The following NTM variants were observed in gnomAD, a reference collection of about 807,000 sequenced individuals.
NTM encodes neurotrimin, also known as IgLON family member 2.
Under a neutral mutation model 42.1 loss-of-function variants are expected in NTM, and 13 were observed. The observed-to-expected ratio is 0.31, with a 90% CI of 0.20 to 0.49. The LOEUF is 0.49. Ranked by LOEUF, NTM falls within the 20% of genes least tolerant of loss-of-function variation. The probability of loss-of-function intolerance (pLI) is 0.99; values close to 1 mark genes in which losing one functional copy is unlikely to be tolerated. For synonymous variants in NTM, 187 were observed against 179.2 expected (o/e 1.04, Z -0.35); for missense variants, 373 against 452.8 (o/e 0.82, Z 1.60).
intron 4 of NTM, among the ~76,000 whole-genome samples, chr11:132,230,337 A>G (rs61314230): frequency 2.0e-5 from 3 of 152,180 alleles, no homozygotes; most frequent in South Asian, 2.1e-4. Flanking sequence ...TGAAGTAGGT[A>G]ATAATGTCAT....
intron 1 of NTM, among the ~76,000 whole-genome samples, chr11:131,877,294 C>G (rs78516733): frequency 0.013 from 1,962 of 152,298 alleles, 40 homozygotes; most frequent in African/African-American, 0.044. Flanking sequence ...GTGCCACCTG[C>G]CAGGACCTAT....
At position 132,335,310 on chromosome 11, in the gene NTM, TG is replaced by T. The variant is rs1038273233; in HGVS notation, c.*170del. ...TGAGGGAGGGGAACAAAGAATACTT[TG>T]GGGGGAAAAAAGTTTTAAAAAAGAA... On this transcript the variant is annotated 3_prime_UTR_variant, in exon 9 of 9. Coordinates refer to ENST00000683400, the MANE Select transcript of NTM (RefSeq NM_001352005.2). 14 of 743,150 alleles carry T rather than the reference TG, an allele frequency of 1.9e-5. No individual in the cohort carries two copies. Among genetic ancestry groups the T allele is most frequent in the Non-Finnish European group, 2.7e-5 (13 of 475,626 alleles). 46.0% of individuals were successfully genotyped at this position (743,150 alleles called of 1,614,324 possible).
At chr11:131,700,804 T>G (rs1465858451) in intron 1 of NTM, among the ~76,000 whole-genome samples, 2 of 152,192 alleles carry the variant, frequency 1.3e-5, no homozygotes, top group Non-Finnish European at 2.9e-5. Flanking sequence ...ACCTAGAAAT[T>G]GTCCTTGATC....
intron 1 of NTM, among the ~76,000 whole-genome samples, chr11:131,646,313 C>T (rs1376734618): frequency 1.3e-5 from 2 of 152,224 alleles, no homozygotes; most frequent in Non-Finnish European, 2.9e-5. Context: ...GATCTACTAC[C>T]TGGCCCTTTT....
intron 2 of NTM, among the ~76,000 whole-genome samples, chr11:131,934,768 T>A (rs933811494): frequency 2.0e-5 from 3 of 152,088 alleles, no homozygotes. Flanking sequence ...AGGGAGCAAG[T>A]GTCCGGTGCT....
At chr11:131,382,083 T>A (rs1360805094) in intron 1 of NTM, among the ~76,000 whole-genome samples, 1 of 152,238 alleles carries the variant, frequency 6.6e-6, no homozygotes, top group South Asian at 2.1e-4. Flanking sequence ...AGTAAGAATA[T>A]GCCCATTTAA....
At chr11:131,891,888 G>A (rs2051400865) in intron 1 of NTM, among the ~76,000 whole-genome samples, 1 of 152,096 alleles carries the variant, frequency 6.6e-6, no homozygotes, top group South Asian at 2.1e-4. Context: ...CTGAATCATA[G>A]TCTTCCTTTT....
chr11:131,380,949 A>G (rs1033393937), intron 1 of NTM, among the ~76,000 whole-genome samples: 2 of 152,080 alleles, frequency 1.3e-5, no homozygotes, highest in Admixed American at 6.5e-5. Flanking sequence ...TTTTTTTTAG[A>G]TCCTAAATCT....
chr11:132,269,874 A>T (rs1053997808), intron 4 of NTM, among the ~76,000 whole-genome samples: 5 of 152,244 alleles, frequency 3.3e-5, no homozygotes, highest in Non-Finnish European at 7.3e-5. Flanking sequence ...TTTAAAACTC[A>T]ACTTTACTGG....
intron 2 of NTM, among the ~76,000 whole-genome samples, chr11:131,996,299 C>T (rs2068007936): frequency 6.6e-6 from 1 of 152,088 alleles, no homozygotes; most frequent in African/African-American, 2.4e-5. Flanking sequence ...TGACCCCCTC[C>T]CCTGCACCTG....
chr11:131,630,038 G>A (rs1349986218), intron 1 of NTM, among the ~76,000 whole-genome samples: 1 of 152,058 alleles, frequency 6.6e-6, no homozygotes, highest in East Asian at 1.9e-4. Flanking sequence ...GCAGTACAAA[G>A]GGAGGAGGAA....
chr11:131,583,276 C>T (rs189445782), intron 1 of NTM, among the ~76,000 whole-genome samples: 20 of 152,256 alleles, frequency 1.3e-4, no homozygotes, highest in African/African-American at 4.3e-4. Flanking sequence ...CAGAGAAATC[C>T]GTAGCCTCAT....
At chr11:131,767,616 G>C (rs1350671057) in intron 1 of NTM, among the ~76,000 whole-genome samples, 1 of 152,208 alleles carries the variant, frequency 6.6e-6, no homozygotes, top group Non-Finnish European at 1.5e-5. Context: ...ACAAAGGAAA[G>C]AAAAGCCTCT....
intron 4 of NTM, among the ~76,000 whole-genome samples, chr11:132,306,014 T>C (rs897864539): frequency 4.6e-5 from 7 of 152,208 alleles, no homozygotes; most frequent in Admixed American, 4.6e-4. Flanking sequence ...CGTCTGTACA[T>C]ACATAGTGTA....
At chr11:131,841,844 G>T (rs2044295118) in intron 1 of NTM, among the ~76,000 whole-genome samples, 1 of 152,136 alleles carries the variant, frequency 6.6e-6, no homozygotes, top group Admixed American at 6.5e-5. Context: ...CAGAGGCCTG[G>T]GGACTGAAAG....
intron 1 of NTM, among the ~76,000 whole-genome samples, chr11:131,601,934 C>G (rs1383506658): frequency 6.6e-6 from 1 of 152,110 alleles, no homozygotes; most frequent in Non-Finnish European, 1.5e-5. Flanking sequence ...TCTGATGAAG[C>G]AACAGGCACC....
intron 1 of NTM, among the ~76,000 whole-genome samples, chr11:131,435,584 CTCTG>C (rs1217768138): frequency 1.3e-5 from 2 of 152,044 alleles, no homozygotes; most frequent in East Asian, 1.9e-4. Context: ...TGATTTGGCT[CTCTG>C]TCTGTTATTG....
intron 1 of NTM, among the ~76,000 whole-genome samples, chr11:131,895,619 T>C (rs1423795296): frequency 6.6e-6 from 1 of 151,780 alleles, no homozygotes; most frequent in Non-Finnish European, 1.5e-5. Flanking sequence ...CATACACACA[T>C]TTACAGAGTT....
chr11:132,305,373 C>G (rs1328881740), intron 4 of NTM, among the ~76,000 whole-genome samples: 4 of 152,206 alleles, frequency 2.6e-5, no homozygotes, highest in Non-Finnish European at 5.9e-5. Flanking sequence ...TGCTCCGACC[C>G]TGGAGCTCAA....
Sources: allele counts gnomAD v4.1 joint callset (sites outside exome capture counted in the v4.1 genomes callset), GRCh38; gene constraint gnomAD v4.1.1; transcripts MANE v1.5; gene names NCBI Gene and HGNC (gene_info 2026-07-23, HGNC 2026-07-21).